OTC: variants seen among roughly 807,000 people sequenced by gnomAD.
OTC encodes ornithine transcarbamylase, also known as ornithine transcarbamylase, mitochondrial.
A neutral mutation model predicts 30.3 loss-of-function variants in OTC; 3 were observed. The observed-to-expected ratio is 0.10, with a 90% CI of 0.05 to 0.26. The LOEUF (loss-of-function observed/expected upper bound fraction) is 0.26, where lower values mean the gene tolerates loss of function less well. OTC is among the 10% of genes least tolerant of loss of function. The probability of loss-of-function intolerance (pLI) is 1.00; values close to 1 mark genes in which losing one functional copy is unlikely to be tolerated. For missense variants in OTC, 194 were observed against 260.3 expected, an observed-to-expected ratio of 0.75 and a Z score of 1.75; for synonymous variants, 111 against 99.7, an observed-to-expected ratio of 1.11 and a Z score of -0.67.
At chrX:38,336,612 T>C in the OTC span, among the ~76,000 whole-genome samples, 3 of 110,809 alleles carry the variant, frequency 2.7e-5, no homozygotes, top group South Asian at 1.2e-3. Flanking sequence ...TGGATGCAGG[T>C]ACCGCTTTCA....
rs147930238 is a variant in OTC at position 38,402,844 on chromosome X, T to C, written c.541-774T>C. Among the ~76,000 whole-genome samples, 51 of 111,052 alleles carry C rather than the reference T, an allele frequency of 4.6e-4. No homozygotes were observed. The East Asian group carries it at 0.013, about 28-fold the overall frequency. On this transcript the variant is annotated intron_variant, in intron 5 of 9. Coordinates refer to ENST00000039007, the MANE Select transcript of OTC (RefSeq NM_000531.6). ...TATTATTATTATTTGAGACAGAGTCTCACTCTGTCACCCAGACTGGAGTGC... is the reference window on the plus strand; with the variant it reads ...TATTATTATTATTTGAGACAGAGTCCCACTCTGTCACCCAGACTGGAGTGC...
At chrX:38,341,272 T>G in the OTC span, among the ~76,000 whole-genome samples, 2 of 111,825 alleles carry the variant, frequency 1.8e-5, no homozygotes, top group Admixed American at 1.9e-4. Context: ...TAAGAAAAAA[T>G]ACCTCGTAGT....
chrX:38,383,093 T>G (rs762617481), intron 4 of OTC, among the ~76,000 whole-genome samples: 8 of 106,276 alleles, frequency 7.5e-5, no homozygotes, highest in South Asian at 3.9e-4. Flanking sequence ...TGCTTACAGT[T>G]TTTTTTTTTT....
chrX:38,344,133 G>A, the OTC span, among the ~76,000 whole-genome samples: 70 of 110,562 alleles, frequency 6.3e-4, no homozygotes, highest in Non-Finnish European at 1.1e-3. Context: ...GTGACAGAGC[G>A]AGACTCTGTC....
intron 4 of OTC, chrX:38,395,745 T>C: frequency 8.3e-6 from 1 of 120,300 alleles, no homozygotes; most frequent in Non-Finnish European, 1.8e-5. Flanking sequence ...GAAATAAGGA[T>C]GAATTGCAGG....
At chrX:38,389,579 A>G (rs149739381) in intron 4 of OTC, among the ~76,000 whole-genome samples, 556 of 111,893 alleles carry the variant, frequency 5.0e-3, no homozygotes, top group Non-Finnish European at 5.6e-3. Context: ...TGATACTTCC[A>G]TGAATCTTTA....
chrX:38,368,674 G>A (rs1002407221), intron 2 of OTC, among the ~76,000 whole-genome samples: 10 of 101,532 alleles, frequency 9.8e-5, no homozygotes, highest in African/African-American at 3.6e-4. Context: ...TTTTTAAAGA[G>A]TTGGTTTCAG....
intron 4 of OTC, among the ~76,000 whole-genome samples, chrX:38,394,989 T>A (rs2068447838): frequency 9.0e-6 from 1 of 110,872 alleles, no homozygotes; most frequent in African/African-American, 3.3e-5. Flanking sequence ...TTTTTGTTTT[T>A]TGAGACGAAA....
the OTC span, among the ~76,000 whole-genome samples, chrX:38,338,693 A>G: frequency 8.9e-6 from 1 of 112,504 alleles, no homozygotes; most frequent in Non-Finnish European, 1.9e-5. Context: ...GCAAAAAACC[A>G]TCAGGGAATG....
At chrX:38,392,892 C>T (rs1250968123) in intron 4 of OTC, among the ~76,000 whole-genome samples, 1 of 112,562 alleles carries the variant, frequency 8.9e-6, no homozygotes, top group African/African-American at 3.2e-5. Context: ...CCTTTGTTTA[C>T]AGTCCAATTT....
At chrX:38,353,420 G>A (rs1461888152) in intron 1 of OTC, among the ~76,000 whole-genome samples, 3 of 110,629 alleles carry the variant, frequency 2.7e-5, no homozygotes, top group African/African-American at 6.6e-5. Flanking sequence ...AAGGGAACAG[G>A]GGAGATGAGT....
At chrX:38,331,312 G>T in the OTC span, among the ~76,000 whole-genome samples, 5 of 107,956 alleles carry the variant, frequency 4.6e-5, no homozygotes, top group African/African-American at 1.7e-4. Flanking sequence ...GGAGTGCAGG[G>T]GCATGATCTC....
chrX:38,373,674 C>G (rs960805470), intron 3 of OTC: 1 of 111,986 alleles, frequency 8.9e-6, no homozygotes, highest in East Asian at 2.8e-4. Context: ...AATTGTGATA[C>G]TATTGTGCAA....
intron 4 of OTC, among the ~76,000 whole-genome samples, chrX:38,394,568 C>CT (rs2068444976): frequency 9.0e-6 from 1 of 111,163 alleles, no homozygotes; most frequent in Admixed American, 9.6e-5. Flanking sequence ...TTTGCTTCCT[C>CT]TTTTTTACCC....
rs779911283 is a variant in OTC, at chrX:38,408,757, G to T, written c.679G>T (p.Ala227Ser). ...CCTCCTTTAGGGTTATGAGCCGGATGCTAGTGTAACCAAGTTGGCAGAGCA... is the reference window on the plus strand; with the variant it reads ...CCTCCTTTAGGGTTATGAGCCGGATTCTAGTGTAACCAAGTTGGCAGAGCA... Reference protein sequence around the residue: ...AATPKGYEPDASVTKLAEQYA... With the variant: ...AATPKGYEPDSSVTKLAEQYA... Residue 227 changes from alanine (A) to serine (S), a missense_variant, in exon 7 of 10, where the codon GCT (alanine) becomes TCT (serine). Coordinates refer to ENST00000039007, the MANE Select transcript of OTC (RefSeq NM_000531.6). The T allele has an allele frequency of 8.3e-7, 1 of 1,201,372 alleles. No homozygotes were observed.
At chrX:38,340,797 A>AT in the OTC span, among the ~76,000 whole-genome samples, 2,401 of 105,455 alleles carry the variant, frequency 0.023, 66 homozygotes, top group African/African-American at 0.079. Flanking sequence ...TCAGTTTCTG[A>AT]TTTTTTTTTT....
At chrX:38,387,015 A>C (rs1304099512) in intron 4 of OTC, among the ~76,000 whole-genome samples, 1 of 112,439 alleles carries the variant, frequency 8.9e-6, no homozygotes, top group South Asian at 3.7e-4. Context: ...GTGATATTGC[A>C]CTGTGGTTTT....
At chrX:38,331,456 T>TG in the OTC span, among the ~76,000 whole-genome samples, 570 of 26,877 alleles carry the variant, frequency 0.021, 7 homozygotes, top group Middle Eastern at 0.14. Flanking sequence ...TTTTTTTTTG[T>TG]TTGTTTTTTT....
At chrX:38,348,382 G>A (rs758759865), upstream of OTC, among the ~76,000 whole-genome samples, 7 of 110,829 alleles carry the variant, frequency 6.3e-5, no homozygotes, top group Non-Finnish European at 1.3e-4. Context: ...TTTGACTACC[G>A]ATTAAATTCT....
Sources: allele counts gnomAD v4.1 joint callset (sites outside exome capture counted in the v4.1 genomes callset), GRCh38; gene constraint gnomAD v4.1.1; transcripts MANE v1.5; gene names NCBI Gene and HGNC (gene_info 2026-07-23, HGNC 2026-07-21).